The following ZSCAN1 variants were observed in gnomAD, a reference collection of about 807,000 sequenced individuals.
The protein encoded by ZSCAN1 is zinc finger and SCAN domain-containing protein 1.
A neutral mutation model predicts 23.8 loss-of-function variants in ZSCAN1; 23 were observed. That is an observed-to-expected ratio of 0.97 (90% CI 0.70 to 1.37). The LOEUF (loss-of-function observed/expected upper bound fraction) is 1.37. Among genes scored for constraint, ZSCAN1 ranks in the 40% most tolerant of loss-of-function variants. The pLI is 0.00. For synonymous variants in ZSCAN1, 236 were observed against 232.3 expected, an observed-to-expected ratio of 1.02 and a Z score of -0.15; for missense variants, 575 against 554.0, an observed-to-expected ratio of 1.04 and a Z score of -0.38.
intron 4 of ZSCAN1, chr19:58,044,921 G>A (rs2123431241): frequency 3.4e-6 from 3 of 885,798 alleles, no homozygotes; most frequent in East Asian, 4.9e-5. Context: ...CACTCTTCGC[G>A]CCCTGTTGGT....
chr19:58,047,437 C>T lies in ZSCAN1; in HGVS notation c.466-5053C>T, dbSNP rs1194369819. On this transcript the variant is annotated intron_variant, in intron 4 of 5. Coordinates refer to ENST00000282326, the MANE Select transcript of ZSCAN1 (RefSeq NM_182572.4). This position sits in a 1 kb window ranked among gnomAD's most constrained non-coding sequence, Gnocchi z 4.9. ...ATTTTCCCCCAATTCTTTAAGCAGTCGATTGGCACAGAGTTTTCCCACGCT... is the reference window on the plus strand; with the variant it reads ...ATTTTCCCCCAATTCTTTAAGCAGTTGATTGGCACAGAGTTTTCCCACGCT... Among the ~76,000 whole-genome samples the T allele has an allele frequency of 1.3e-5, 2 of 152,182 alleles. No individual in the cohort carries two copies. The highest frequency in any genetic ancestry group is 1.3e-4 in the Admixed American group (2 of 15,278).
At chr19:58,037,661 G>A (rs2073747622) in intron 2 of ZSCAN1, 67 bp from the exon 3 acceptor site, 4 of 770,350 alleles carry the variant, frequency 5.2e-6, no homozygotes, top group Non-Finnish European at 7.7e-6. Context: ...GTAAGGAGCC[G>A]AGGGGCATCC....
Position 58,053,295 on chromosome 19 carries a change from CAG to C in ZSCAN1, c.605-133_605-132del, listed in dbSNP as rs1300701926. 23 of 1,139,590 alleles carry C rather than the reference CAG, an allele frequency of 2.0e-5. No homozygotes were observed. Among genetic ancestry groups the C allele is most frequent in the East Asian group, 4.8e-5 (2 of 41,690 alleles). 70.6% of individuals were successfully genotyped at this position (1,139,590 alleles called of 1,614,324 possible). A position where few individuals can be genotyped will look rare whatever the true frequency, so the allele number is the denominator to read the frequency against. ...ATCTTAAAGGACAGAACGGAGGACA[CAG>C]GGGCCGTATTGAGCAGAGGAAGGGC... is the stretch of plus-strand genomic sequence containing the variant. On this transcript the variant is annotated intron_variant, in intron 5 of 5. Transcript: ENST00000282326. The surrounding 1 kb of genome is among the most constrained non-coding windows in gnomAD (Gnocchi z 5.8).
At chr19:58,052,389 G>C (rs1037902156) in intron 4 of ZSCAN1, 101 bp from the exon 5 acceptor site, 39 of 1,578,338 alleles carry the variant, frequency 2.5e-5, no homozygotes, top group East Asian at 4.5e-5. Context: ...CCCTGGGACA[G>C]AGCCTTTGGG....
At chr19:58,050,209 TG>T (rs927280217) in intron 4 of ZSCAN1, among the ~76,000 whole-genome samples, 1 of 151,146 alleles carries the variant, frequency 6.6e-6, no homozygotes, top group African/African-American at 2.4e-5. Context: ...CCGAGGTGGG[TG>T]GATCACTAGA....
At chr19:58,050,904 A>G (rs371887962) in intron 4 of ZSCAN1, among the ~76,000 whole-genome samples, 1 of 151,296 alleles carries the variant, frequency 6.6e-6, no homozygotes, top group Non-Finnish European at 1.5e-5. Flanking sequence ...CCCGCCTCCA[A>G]TCTCCCCACC....
At chr19:58,046,028 C>T (rs560611585) in intron 4 of ZSCAN1, 15 of 695,724 alleles carry the variant, frequency 2.2e-5, no homozygotes, top group South Asian at 3.4e-5. Flanking sequence ...CAGAAGCATT[C>T]GGAGGTGGCG....
In ZSCAN1 at chr19:58,045,167, GGC is replaced by G; in HGVS notation, c.465+4628_465+4629del. On this transcript the variant is annotated intron_variant, in intron 4 of 5. Transcript: ENST00000282326. The surrounding 1 kb of genome is among the most constrained non-coding windows in gnomAD (Gnocchi z 4.3). ...TCAACTGCCACACCCTGACCCGCCA[GGC>G]GCGCAGGCAGTTGCTCCGGTTCTGT... 9.4e-7 allele frequency: 1 copy of G among 1,066,582 alleles called. No homozygotes were observed. Among genetic ancestry groups the G allele is most frequent in the Non-Finnish European group, 1.5e-6 (1 of 684,226 alleles). 66.1% of individuals were successfully genotyped at this position (1,066,582 alleles called of 1,614,324 possible). A position where few individuals can be genotyped will look rare whatever the true frequency, so the allele number is the denominator to read the frequency against.
intron 4 of ZSCAN1, chr19:58,046,765 G>C: frequency 1.3e-6 from 1 of 762,766 alleles, no homozygotes. Context: ...GAGGTGAAGA[G>C]CTAGAGCCAC....
In ZSCAN1 at chr19:58,037,999, G is replaced by C; in HGVS notation, c.163G>C (p.Ala55Pro). Residue 55 changes from alanine (A) to proline (P), a missense_variant, in exon 3 of 6, where the codon GCG becomes CCG. Physicochemically the swap from Ala to Pro is conservative, Grantham distance 27 (BLOSUM62 -1). Transcript: ENST00000282326. ...CCACGTGGCGAGCGGGCCGCACCTC[G>C]CGCTGGGCCAGCTCTGGACGCTGTG... ...QYHVASGPHL[A>P]LGQLWTLCRQ... 2 of 1,609,344 alleles carry C rather than the reference G, an allele frequency of 1.2e-6. No homozygotes were observed. The highest frequency in any genetic ancestry group is 2.2e-5 in the East Asian group (1 of 44,850).
At chr19:58,048,502 T>C (rs1052848710) in intron 4 of ZSCAN1, among the ~76,000 whole-genome samples, 2 of 152,224 alleles carry the variant, frequency 1.3e-5, no homozygotes, top group African/African-American at 4.8e-5. Context: ...TTTTCTGAGA[T>C]GGAGTCTTGC....
downstream of ZSCAN1, among the ~76,000 whole-genome samples, chr19:58,055,810 G>A (rs552975185): frequency 4.6e-5 from 7 of 152,300 alleles, no homozygotes; most frequent in East Asian, 1.9e-4. Flanking sequence ...CATTGAACAC[G>A]AGGCATCAGT....
intron 4 of ZSCAN1, among the ~76,000 whole-genome samples, chr19:58,044,261 A>G (rs1483055264): frequency 6.6e-6 from 1 of 151,642 alleles, no homozygotes; most frequent in Non-Finnish European, 1.5e-5. Flanking sequence ...AACAGGAGCG[A>G]AACTCCGTCT....
intron 4 of ZSCAN1, chr19:58,044,680 G>A: frequency 5.0e-6 from 4 of 799,152 alleles, no homozygotes; most frequent in Non-Finnish European, 8.7e-6. Context: ...GTAGTCCGGG[G>A]GATCCTGCTC....
At position 58,037,772 on chromosome 19, in the gene ZSCAN1, C is replaced by T. The variant is rs1417777978; in HGVS notation, c.-65C>T. 4.2e-6 allele frequency: 6 copies of T among 1,431,912 alleles called. No individual in the cohort carries two copies. Among genetic ancestry groups the T allele is most frequent in the Non-Finnish European group, 4.6e-6 (5 of 1,096,808 alleles). 88.7% of individuals were successfully genotyped at this position (1,431,912 alleles called of 1,614,324 possible). ...GTCCGCCTGCCACACCGGCTCTGTCCGGAGCCACTGGGACTCGGGATCCAG... is the reference window on the plus strand; with the variant it reads ...GTCCGCCTGCCACACCGGCTCTGTCTGGAGCCACTGGGACTCGGGATCCAG... On this transcript the variant is annotated 5_prime_UTR_variant, in exon 3 of 6. Transcript: ENST00000282326.
chr19:58,042,691 C>G (rs1038110094), intron 4 of ZSCAN1, among the ~76,000 whole-genome samples: 4 of 152,188 alleles, frequency 2.6e-5, no homozygotes, highest in Non-Finnish European at 4.4e-5. Flanking sequence ...TCAGCCGCTG[C>G]CGGCAGATGT....
chr19:58,052,314 C>T (rs1020720154), intron 4 of ZSCAN1, among the ~76,000 whole-genome samples, 176 bp from the exon 5 acceptor site: 27 of 152,194 alleles, frequency 1.8e-4, no homozygotes, highest in African/African-American at 5.3e-4. Flanking sequence ...AACTCCTGGC[C>T]TCAAGCAATC....
At chr19:58,052,392 C>T (rs973647050) in intron 4 of ZSCAN1, 98 bp from the exon 5 acceptor site, 14 of 1,581,548 alleles carry the variant, frequency 8.9e-6, no homozygotes, top group Non-Finnish European at 1.2e-5. Flanking sequence ...TGGGACAGAG[C>T]CTTTGGGGAT....
chr19:58,037,982 C>T lies in ZSCAN1; in HGVS notation c.146C>T (p.Ala49Val), dbSNP rs1191042500. Residue 49 changes from alanine to valine, a missense_variant, in exon 3 of 6, where the codon GCG (alanine) becomes GTG (valine). Coordinates refer to ENST00000282326, the MANE Select transcript of ZSCAN1 (RefSeq NM_182572.4). ...TTCCGGCAGTTCCAGTACCACGTGG[C>T]GAGCGGGCCGCACCTCGCGCTGGGC... is the stretch of plus-strand genomic sequence containing the variant. ...LRFRQFQYHV[A>V]SGPHLALGQL... The T allele has an allele frequency of 2.5e-6, 4 of 1,607,520 alleles. No homozygotes were observed. Among genetic ancestry groups the T allele is most frequent in the Admixed American group, 3.3e-5 (2 of 59,906 alleles).
Sources: gnomAD v4.1 joint callset for allele counts (sites outside exome capture counted in the v4.1 genomes callset) on GRCh38, gnomAD v4.1.1 for gene constraint, Gnocchi (gnomAD v3.1) non-coding constraint, MANE v1.5 for transcripts, NCBI Gene and HGNC (gene_info 2026-07-23, HGNC 2026-07-21) for gene names.